The following CENATAC variants were observed in gnomAD, a reference collection of about 807,000 sequenced individuals.
The protein encoded by CENATAC is coiled-coil domain containing 84.
A neutral mutation model predicts 53.7 loss-of-function variants in CENATAC; 53 were observed. The observed-to-expected ratio is 0.99, with a 90% CI of 0.79 to 1.24. The LOEUF (loss-of-function observed/expected upper bound fraction) is 1.24, where lower values mean the gene tolerates loss of function less well. Ranked by LOEUF, CENATAC falls within the 50% of genes most tolerant of loss-of-function variation. The probability of loss-of-function intolerance (pLI) is 0.00; values close to 1 mark genes in which losing one functional copy is unlikely to be tolerated. For synonymous variants in CENATAC, 156 were observed against 144.6 expected (o/e 1.08, Z -0.57); for missense variants, 474 against 417.8 (o/e 1.13, Z -1.17).
rs377212042 is a variant in CENATAC, at chr11:119,010,840, A to C, written c.450+10A>C. On this transcript the variant is annotated intron_variant, in intron 4 of 10. Coordinates refer to ENST00000334418, the MANE Select transcript of CENATAC (RefSeq NM_198489.3). ...TAAAGTGATCAAGGAGGTAAGTTAAAGTAGCAGTCCCTCACCCTTTTTGCA... is the reference window on the plus strand; with the variant it reads ...TAAAGTGATCAAGGAGGTAAGTTAACGTAGCAGTCCCTCACCCTTTTTGCA... 1.9e-6 allele frequency: 3 copies of C among 1,613,318 alleles called. No individual in the cohort carries two copies. The African/African-American group carries it at 4.0e-5, about 22-fold the overall frequency.
At chr11:119,001,904 GA>G in intron 3 of CENATAC, 1 of 241,526 alleles carries the variant, frequency 4.1e-6, no homozygotes, top group Non-Finnish European at 8.6e-6. Flanking sequence ...AAAGAAATAC[GA>G]ATTTTTTTTT....
rs566425897 is a variant in CENATAC at position 119,011,362 on chromosome 11, C to T, written c.513+79C>T. The T allele has an allele frequency of 3.7e-4, 478 of 1,304,092 alleles. No homozygotes were observed. The African/African-American group carries it at 6.4e-3, about 17-fold the overall frequency. 80.8% of individuals were successfully genotyped at this position (1,304,092 alleles called of 1,614,324 possible). On this transcript the variant is annotated intron_variant, in intron 5 of 10. Transcript: ENST00000334418. Reference sequence around the variant, plus strand: ...ATTCCCAGGTCCAGCATTTCATGGACTAGTGCTTCTTCTTCTTCTTTTTTT... The same window carrying T: ...ATTCCCAGGTCCAGCATTTCATGGATTAGTGCTTCTTCTTCTTCTTTTTTT...
At chr11:118,999,639 G>GT (rs567450139) in intron 3 of CENATAC, among the ~76,000 whole-genome samples, 4 of 151,422 alleles carry the variant, frequency 2.6e-5, no homozygotes, top group East Asian at 2.0e-4. Context: ...TTGTTTTTAC[G>GT]TTTTTTTCTT....
intron 3 of CENATAC, among the ~76,000 whole-genome samples, chr11:119,005,371 C>T (rs1942534773): frequency 6.6e-6 from 1 of 151,234 alleles, no homozygotes; most frequent in Non-Finnish European, 1.5e-5. Flanking sequence ...GAGGCTGAGG[C>T]AGGAGAATGG....
In CENATAC at chr11:119,015,649, C is replaced by T. The variant is rs1466064478; in HGVS notation, c.*51C>T. On this transcript the variant is annotated 3_prime_UTR_variant, in exon 11 of 11. Coordinates refer to ENST00000334418, the MANE Select transcript of CENATAC (RefSeq NM_198489.3). ...GGCTAAAAGCAAAGTCAACAAACCC[C>T]TATTATACCTTCCACCAAATTCTTT... 6.5e-7 allele frequency: 1 copy of T among 1,546,930 alleles called. No homozygotes were observed. Among genetic ancestry groups the T allele is most frequent in the Non-Finnish European group, 8.9e-7 (1 of 1,124,050 alleles).
At position 119,015,078 on chromosome 11, in the gene CENATAC, A is replaced by G; in HGVS notation, c.800A>G (p.Lys267Arg). Residue 267 changes from lysine to arginine, a missense_variant, in exon 9 of 11, where the codon AAA becomes AGA. By Grantham distance (26) the Lys-to-Arg change is conservative. Coordinates refer to ENST00000334418, the MANE Select transcript of CENATAC (RefSeq NM_198489.3). ...EIGPSYEEFL[K>R]EKEKQKLKKL... ...GGACCATCCTATGAAGAATTTCTTA[A>G]AGAAAGTAAGTAAACTAATTCAAGA... 6.2e-7 allele frequency: 1 copy of G among 1,604,224 alleles called. No homozygotes were observed. The highest frequency in any genetic ancestry group is 8.5e-7 in the Non-Finnish European group (1 of 1,173,342).
chr11:119,013,299 A>ATTTT, intron 8 of CENATAC, 37 bp downstream of exon 8: 3 of 1,336,490 alleles, frequency 2.2e-6, no homozygotes, highest in East Asian at 2.5e-5. Context: ...ACCCTGGGAG[A>ATTTT]TTTTTTTTTT....
At chr11:119,011,333 T>C (rs782214972) in intron 5 of CENATAC, 50 bp downstream of exon 5, 52 of 1,561,186 alleles carry the variant, frequency 3.3e-5, no homozygotes, top group Non-Finnish European at 4.4e-5. Context: ...CACTGATCCC[T>C]GGCATTCCCA....
chr11:119,015,504 TTCA>T (rs781821493), intron 10 of CENATAC, 31 bp from the exon 11 acceptor site: 57 of 1,613,988 alleles, frequency 3.5e-5, no homozygotes, highest in Non-Finnish European at 4.4e-5. Flanking sequence ...GATGTCACCC[TTCA>T]TCATCGTGTT....
intron 4 of CENATAC, 64 bp from the exon 5 acceptor site, chr11:119,011,157 A>G: frequency 2.1e-6 from 3 of 1,438,672 alleles, no homozygotes; most frequent in Non-Finnish European, 2.9e-6. Flanking sequence ...AAGTTAAAGG[A>G]AAGGCCTCTG....
intron 3 of CENATAC, chr11:119,010,543 A>AT (rs562160987): frequency 1.9e-4 from 101 of 535,592 alleles, no homozygotes; most frequent in African/African-American, 1.7e-3. Context: ...GTCTAAACCT[A>AT]TTTTGTTTTG....
chr11:119,013,074 C>A, intron 7 of CENATAC, 158 bp from the exon 8 acceptor site: 1 of 590,038 alleles, frequency 1.7e-6, no homozygotes, highest in Non-Finnish European at 3.1e-6. Context: ...ACTTACTGTG[C>A]TTTCAAAGTT....
chr11:119,012,303 C>G (rs782279217), intron 7 of CENATAC, 49 bp downstream of exon 7: 1 of 1,598,388 alleles, frequency 6.3e-7, no homozygotes, highest in East Asian at 2.2e-5. Context: ...CCTCAGGTCT[C>G]AGGACCCCTT....
In CENATAC at chr11:119,000,792, A is replaced by G. The variant is rs188054670; in HGVS notation, c.383+1683A>G. Among the ~76,000 whole-genome samples, 31 of 152,068 alleles carry G rather than the reference A, an allele frequency of 2.0e-4. No individual in the cohort carries two copies. The East Asian group carries it at 6.0e-3, about 29-fold the overall frequency. On this transcript the variant is annotated intron_variant, in intron 3 of 10. Transcript: ENST00000334418. Reference sequence around the variant, plus strand: ...AAAAAATTCTTTTTTTTAAATTGAGATGGGGTTTTGCTATGTTGCCCAGGC... The same window carrying G: ...AAAAAATTCTTTTTTTTAAATTGAGGTGGGGTTTTGCTATGTTGCCCAGGC...
At chr11:119,010,151 C>CA (rs1169079291) in intron 3 of CENATAC, 5 of 151,848 alleles carry the variant, frequency 3.3e-5, no homozygotes, top group Middle Eastern at 3.1e-3. Context: ...GAGCCCGTCT[C>CA]AAAAAAAAGA....
chr11:119,011,273 C>A lies in CENATAC; in HGVS notation c.503C>A (p.Ser168Tyr), dbSNP rs782306579. 1.9e-6 allele frequency: 3 copies of A among 1,613,972 alleles called. No individual in the cohort carries two copies. Among genetic ancestry groups the A allele is most frequent in the South Asian group, 2.2e-5 (2 of 91,054 alleles). ...VEQSRQEVVR[S>Y]VLEPQAVPDP... is the part of the protein sequence containing the mutation. Reference sequence around the variant, plus strand: ...CAGAGCCGACAGGAGGTGGTTCGGTCTGTCTTAGAGGTTGGTTTCCCTCGG... The same window carrying A: ...CAGAGCCGACAGGAGGTGGTTCGGTATGTCTTAGAGGTTGGTTTCCCTCGG... The change falls in exon 5 of 11, where the codon TCT (serine) becomes TAT (tyrosine). Residue 168 changes from serine (S) to tyrosine (Y), a missense_variant. Physicochemically the swap from Ser to Tyr is moderately radical, Grantham distance 144 (BLOSUM62 -2). Coordinates refer to ENST00000334418, the MANE Select transcript of CENATAC (RefSeq NM_198489.3).
At position 119,015,677 on chromosome 11, in the gene CENATAC, C is replaced by T. The variant is rs1450796586; in HGVS notation, c.*79C>T. Reference sequence around the variant, plus strand: ...TTATACCTTCCACCAAATTCTTTATCATTGTCTTTCTTAGGAAACAGACAT... The same window carrying T: ...TTATACCTTCCACCAAATTCTTTATTATTGTCTTTCTTAGGAAACAGACAT... On this transcript the variant is annotated 3_prime_UTR_variant, in exon 11 of 11. Coordinates refer to ENST00000334418, the MANE Select transcript of CENATAC (RefSeq NM_198489.3). 4.1e-6 allele frequency: 6 copies of T among 1,446,142 alleles called. No homozygotes were observed. The East Asian group carries it at 1.4e-4, about 33-fold the overall frequency. The allele number at this position is 1,446,142 out of a possible 1,614,324, so 89.6% of individuals were successfully genotyped here.
At chr11:119,011,850 T>C (rs1411247861) in intron 5 of CENATAC, 89 bp from the exon 6 acceptor site, 1 of 1,122,576 alleles carries the variant, frequency 8.9e-7, no homozygotes, top group African/African-American at 1.5e-5. Flanking sequence ...GTTTCCTTCC[T>C]GTGATACTGG....
intron 5 of CENATAC, 88 bp downstream of exon 5, chr11:119,011,371 C>G: frequency 8.1e-7 from 1 of 1,228,748 alleles, no homozygotes; most frequent in Non-Finnish European, 1.2e-6. Flanking sequence ...ACTAGTGCTT[C>G]TTCTTCTTCT....
Sources: allele counts gnomAD v4.1 joint callset (sites outside exome capture counted in the v4.1 genomes callset), GRCh38; gene constraint gnomAD v4.1.1; transcripts MANE v1.5; gene names NCBI Gene and HGNC (gene_info 2026-07-23, HGNC 2026-07-21).